Variants in CRYZ observed in about 807,000 individuals in gnomAD.
CRYZ encodes the protein crystallin zeta.
A neutral mutation model predicts 34.1 loss-of-function variants in CRYZ; 35 were observed. That is an observed-to-expected ratio of 1.03 (90% CI 0.78 to 1.36). CRYZ has a LOEUF of 1.36. CRYZ is among the 40% of genes most tolerant of loss of function. The pLI is 0.00. For missense variants in CRYZ, 403 were observed against 391.8 expected (o/e 1.03, Z -0.24); for synonymous variants, 137 against 136.5 (o/e 1.00, Z -0.03).
intron 4 of CRYZ, among the ~76,000 whole-genome samples, chr1:74,716,013 CTT>C (rs2100706684): frequency 6.6e-6 from 1 of 151,286 alleles, no homozygotes; most frequent in South Asian, 2.1e-4. Context: ...CAGTTGAAGG[CTT>C]TTGTTTTCAA....
intron 1 of CRYZ, among the ~76,000 whole-genome samples, chr1:74,726,946 C>T (rs77690335): frequency 6.6e-6 from 1 of 152,278 alleles, no homozygotes; most frequent in Non-Finnish European, 1.5e-5. Flanking sequence ...TGCTAAAACA[C>T]AACAAAAGTC....
chr1:74,726,372 T>C (rs1243377254), intron 1 of CRYZ, among the ~76,000 whole-genome samples: 1 of 152,174 alleles, frequency 6.6e-6, no homozygotes, highest in African/African-American at 2.4e-5. Flanking sequence ...CAACACAACA[T>C]GAATGCCTCA....
At chr1:74,719,498 T>A in intron 3 of CRYZ, 126 bp from the exon 4 acceptor site, 1 of 861,380 alleles carries the variant, frequency 1.2e-6, no homozygotes, top group Non-Finnish European at 1.7e-6. Flanking sequence ...CTCATATAAA[T>A]AATTTTTTTT....
intron 5 of CRYZ, among the ~76,000 whole-genome samples, chr1:74,711,691 T>C (rs778082440): frequency 4.6e-5 from 7 of 151,414 alleles, no homozygotes; most frequent in Non-Finnish European, 1.0e-4. Context: ...TTTGAGGAGT[T>C]TGGGATTGCA....
chr1:74,724,538 C>T lies in CRYZ; in HGVS notation c.111+173G>A, dbSNP rs534612714. ...TATTCTTTTTCATACATCTACTTCA[C>T]TAATTATCAGGTTTATGTTAACTTT... is the stretch of plus-strand genomic sequence containing the variant. On this transcript the variant is annotated intron_variant, in intron 2 of 8. Transcript: ENST00000340866. Among the ~76,000 whole-genome samples, 6 of 152,260 alleles carry T rather than the reference C, an allele frequency of 3.9e-5. No individual in the cohort carries two copies. In the South Asian group the frequency reaches 1.0e-3, roughly 26 times the overall value.
At chr1:74,730,130 C>T (rs751291919) in intron 1 of CRYZ, among the ~76,000 whole-genome samples, 1 of 151,890 alleles carries the variant, frequency 6.6e-6, no homozygotes, top group Non-Finnish European at 1.5e-5. Flanking sequence ...TGTATCTTTC[C>T]CCCCCCACAT....
intron 1 of CRYZ, among the ~76,000 whole-genome samples, chr1:74,731,684 C>T (rs1375948558): frequency 6.6e-6 from 1 of 152,142 alleles, no homozygotes; most frequent in Admixed American, 6.5e-5. Context: ...AGGAGTAGAG[C>T]TTGGAGAGAT....
intron 1 of CRYZ, among the ~76,000 whole-genome samples, chr1:74,727,643 T>TAAA (rs1647438685): frequency 4.8e-5 from 1 of 20,890 alleles, no homozygotes; most frequent in African/African-American, 5.2e-4. Context: ...AGACTCTGTC[T>TAAA]CAAAAAAAAA....
intron 2 of CRYZ, 38 bp downstream of exon 2, chr1:74,724,673 G>T: frequency 2.4e-6 from 3 of 1,262,038 alleles, no homozygotes; most frequent in Non-Finnish European, 3.4e-6. Context: ...CTCACACTCA[G>T]TATAATTATA....
In CRYZ at chr1:74,717,232, T is replaced by TA. The variant is rs950615319; in HGVS notation, c.428+1976dup. 1.5e-3 allele frequency among the ~76,000 whole-genome samples: 218 copies of TA among 146,176 alleles called. 6 individuals are homozygous for TA. The highest frequency in any genetic ancestry group is 0.013 in the East Asian group (68 of 5,108). ...AATATGTTCAAGTCTTGTCTATCCT[T>TA]AAAAAAAAAAATCCCTTTTTTCCAC... On this transcript the variant is annotated intron_variant, in intron 4 of 8. Coordinates refer to ENST00000340866, the MANE Select transcript of CRYZ (RefSeq NM_001889.4).
intron 1 of CRYZ, among the ~76,000 whole-genome samples, chr1:74,729,134 GT>G (rs35216240): frequency 0.73 from 105,206 of 143,904 alleles, 38,162 homozygotes; most frequent in Admixed American, 0.79. Context: ...TTTTTGTTTT[GT>G]TTTTTTTTTT....
chr1:74,729,799 A>T (rs569655024), intron 1 of CRYZ, among the ~76,000 whole-genome samples: 70 of 152,350 alleles, frequency 4.6e-4, no homozygotes, highest in African/African-American at 1.6e-3. Context: ...TCGGTCTAGA[A>T]GATGACTTAA....
chr1:74,726,643 G>C lies in CRYZ; in HGVS notation c.-13-1809C>G, dbSNP rs141070617. 1.2e-3 allele frequency among the ~76,000 whole-genome samples: 177 copies of C among 152,258 alleles called. 1 individual carries two copies. The highest frequency in any genetic ancestry group is 3.9e-3 in the African/African-American group (164 of 41,574). On this transcript the variant is annotated intron_variant, in intron 1 of 8. Coordinates refer to ENST00000340866, the MANE Select transcript of CRYZ (RefSeq NM_001889.4). ...TAACATTTGGCTCCTCCTTACTTAG[G>C]CAAGTTTCTGCGGCTGGCTTGAATT...
rs980399315 is a variant in CRYZ, at chr1:74,723,548, G to A, written c.112-278C>T. ...AGACCTCTGCGTGTTCATCAAACCC[G>A]TTTTCTCCTTTTCCTGGGTACACAG... On this transcript the variant is annotated intron_variant, in intron 2 of 8. Coordinates refer to ENST00000340866, the MANE Select transcript of CRYZ (RefSeq NM_001889.4). Among the ~76,000 whole-genome samples the A allele has an allele frequency of 1.1e-4, 16 of 152,172 alleles. No individual in the cohort carries two copies. In the East Asian group the frequency reaches 1.2e-3, roughly 11 times the overall value.
At position 74,723,379 on chromosome 1, in the gene CRYZ, A is replaced by G. The variant is rs543414525; in HGVS notation, c.112-109T>C. On this transcript the variant is annotated intron_variant, in intron 2 of 8. Coordinates refer to ENST00000340866, the MANE Select transcript of CRYZ (RefSeq NM_001889.4). ...CTATCAAAATGGGAGACAAAAGCAA[A>G]ACAAATAAGTGCTTGCCTTCAACAA... 14 of 984,502 alleles carry G rather than the reference A, an allele frequency of 1.4e-5. No homozygotes were observed. The South Asian group carries it at 2.1e-4, about 15-fold the overall frequency. The allele number at this position is 984,502 out of a possible 1,614,324, so 61.0% of individuals were successfully genotyped here.
chr1:74,723,338 G>A (rs1194277590), intron 2 of CRYZ, 68 bp from the exon 3 acceptor site: 2 of 1,467,998 alleles, frequency 1.4e-6, no homozygotes, highest in Non-Finnish European at 1.9e-6. Flanking sequence ...TGCTAGGACT[G>A]TGCTGATTAT....
intron 3 of CRYZ, 41 bp downstream of exon 3, chr1:74,723,077 A>C (rs1647192621): frequency 6.3e-7 from 1 of 1,588,630 alleles, no homozygotes. Flanking sequence ...ATTTTTATGA[A>C]ATAAATTCAG....
intron 5 of CRYZ, among the ~76,000 whole-genome samples, chr1:74,713,216 T>C (rs1647027867): frequency 1.3e-5 from 2 of 152,180 alleles, no homozygotes; most frequent in South Asian, 2.1e-4. Context: ...AAAAAAATCA[T>C]GGTGAAGCAA....
chr1:74,721,773 G>A (rs966562727), intron 3 of CRYZ, among the ~76,000 whole-genome samples: 5 of 152,198 alleles, frequency 3.3e-5, no homozygotes, highest in Non-Finnish European at 7.3e-5. Flanking sequence ...GCTAGTTTTA[G>A]ACATGTTTTG....
Sources: gnomAD v4.1 joint callset for allele counts (sites outside exome capture counted in the v4.1 genomes callset) on GRCh38, gnomAD v4.1.1 for gene constraint, MANE v1.5 for transcripts, NCBI Gene and HGNC (gene_info 2026-07-23, HGNC 2026-07-21) for gene names.